Variants in GABRB1 observed in about 807,000 individuals in gnomAD.
GABRB1 encodes the protein gamma-aminobutyric acid receptor subunit beta-1.
GABRB1 carries 17 observed loss-of-function variants against 51.6 expected under a neutral mutation model. The observed-to-expected ratio is 0.33, with a 90% CI of 0.23 to 0.49. GABRB1 has a LOEUF of 0.49. Among genes scored for constraint, GABRB1 ranks in the 20% least tolerant of loss-of-function variants. The pLI, the probability that GABRB1 is intolerant of heterozygous loss-of-function variation, is 0.99. For synonymous variants in GABRB1, 247 were observed against 218.9 expected, an observed-to-expected ratio of 1.13 and a Z score of -1.14; for missense variants, 410 against 600.6, an observed-to-expected ratio of 0.68 and a Z score of 3.32.
chr4:47,251,631 G>A (rs763764583), intron 4 of GABRB1, among the ~76,000 whole-genome samples: 7 of 152,244 alleles, frequency 4.6e-5, no homozygotes, highest in South Asian at 4.1e-4. Context: ...TGGCTGCTGC[G>A]GAGGATGTGG....
intron 8 of GABRB1, among the ~76,000 whole-genome samples, chr4:47,418,680 A>AG (rs575067732): frequency 1.1e-3 from 165 of 152,332 alleles, no homozygotes; most frequent in African/African-American, 3.6e-3. Flanking sequence ...CTATATGCCA[A>AG]GTACTTTTCT....
upstream of GABRB1, among the ~76,000 whole-genome samples, chr4:47,028,154 A>C (rs1021631572): frequency 1.4e-4 from 21 of 151,826 alleles, no homozygotes; most frequent in East Asian, 5.8e-4. Context: ...TTGGTCACTT[A>C]ATTATTTTTT....
chr4:47,315,313 T>A (rs763046485), intron 4 of GABRB1, among the ~76,000 whole-genome samples: 3 of 151,758 alleles, frequency 2.0e-5, no homozygotes, highest in Non-Finnish European at 4.4e-5. Flanking sequence ...TAAAAATGCA[T>A]ATAAAACCAC....
chr4:47,057,410 T>G (rs1003736610), intron 3 of GABRB1, among the ~76,000 whole-genome samples: 2 of 152,172 alleles, frequency 1.3e-5, no homozygotes, highest in Admixed American at 1.3e-4. Context: ...TGAAGTTAGA[T>G]GCAAAACAAA....
chr4:47,073,870 G>A (rs892010507), intron 3 of GABRB1, among the ~76,000 whole-genome samples: 14 of 152,050 alleles, frequency 9.2e-5, no homozygotes, highest in Non-Finnish European at 1.3e-4. Context: ...GATATGAGGT[G>A]AGCAAGCAGC....
Position 47,031,897 on chromosome 4 carries a change from C to G in GABRB1, c.81-17C>G, listed in dbSNP as rs1423442845. The stretch of plus-strand genomic sequence containing the variant: ...TTTGTGCTCATTTTGAATACGGTCC[C>G]TACTTCTTCCCCTTAGCACCAATGA... On this transcript the variant is annotated splice_polypyrimidine_tract_variant and intron_variant, in intron 1 of 8. Transcript: ENST00000295454. The G allele has an allele frequency of 7.5e-6, 12 of 1,609,524 alleles. No homozygotes were observed. The highest frequency in any genetic ancestry group is 2.7e-5 in the African/African-American group (2 of 74,742).
intron 5 of GABRB1, among the ~76,000 whole-genome samples, chr4:47,392,523 A>C (rs1214598685): frequency 6.6e-6 from 1 of 152,006 alleles, no homozygotes; most frequent in Non-Finnish European, 1.5e-5. Flanking sequence ...TTGTATTTTT[A>C]GTAGAGACAG....
At chr4:47,144,482 G>T (rs1717067912) in intron 3 of GABRB1, among the ~76,000 whole-genome samples, 3 of 151,908 alleles carry the variant, frequency 2.0e-5, no homozygotes, top group Non-Finnish European at 2.9e-5. Flanking sequence ...TTGAGAAAAA[G>T]CAACATCTTT....
rs1319609506 is a variant in GABRB1 at position 47,397,644 on chromosome 4, G to A, written c.545-5674G>A. ...TGCAGTGGTGAAATCTCGACTCACT[G>A]CAACCTCCACCTCCCAGGTTCAAGC... On this transcript the variant is annotated intron_variant, in intron 5 of 8. Transcript: ENST00000295454. Among the ~76,000 whole-genome samples the A allele has an allele frequency of 3.9e-5, 6 of 151,990 alleles. No homozygotes were observed. In the East Asian group the frequency reaches 7.7e-4, roughly 20 times the overall value.
chr4:47,389,438 C>T (rs1727910736), intron 5 of GABRB1, among the ~76,000 whole-genome samples: 1 of 152,168 alleles, frequency 6.6e-6, no homozygotes, highest in African/African-American at 2.4e-5. Context: ...TGAAAATGTT[C>T]TCTCACAATT....
At chr4:47,065,856 T>TA (rs778477561) in intron 3 of GABRB1, among the ~76,000 whole-genome samples, 151 of 152,250 alleles carry the variant, frequency 9.9e-4, no homozygotes, top group Non-Finnish European at 1.7e-3. Context: ...TTAACTTTAA[T>TA]AAAAATTGAT....
At chr4:47,137,204 G>C (rs1424008595) in intron 3 of GABRB1, among the ~76,000 whole-genome samples, 1 of 152,096 alleles carries the variant, frequency 6.6e-6, no homozygotes, top group Non-Finnish European at 1.5e-5. Flanking sequence ...AAATGCAGTT[G>C]AAAGTGTGGG....
intron 1 of GABRB1, among the ~76,000 whole-genome samples, chr4:46,995,185 C>G (rs1263947651): frequency 1.3e-5 from 2 of 151,970 alleles, no homozygotes; most frequent in Non-Finnish European, 2.9e-5. Context: ...ATTGAATGAA[C>G]AATTAAACAA....
chr4:47,070,642 C>T (rs1466526222), intron 3 of GABRB1, among the ~76,000 whole-genome samples: 1 of 152,140 alleles, frequency 6.6e-6, no homozygotes, highest in East Asian at 1.9e-4. Flanking sequence ...TGCACTTGCC[C>T]TTCTTGAAAC....
intron 5 of GABRB1, among the ~76,000 whole-genome samples, chr4:47,327,808 G>C (rs543422212): frequency 6.6e-6 from 1 of 152,076 alleles, no homozygotes; most frequent in Non-Finnish European, 1.5e-5. Context: ...TTATTTTCTT[G>C]TCTACAAAAA....
chr4:47,056,493 G>T (rs761961746), intron 3 of GABRB1, among the ~76,000 whole-genome samples: 2 of 152,092 alleles, frequency 1.3e-5, no homozygotes, highest in African/African-American at 2.4e-5. Context: ...ACATATAAAG[G>T]TAGCATGCTA....
intron 4 of GABRB1, among the ~76,000 whole-genome samples, chr4:47,216,105 A>G (rs1410669082): frequency 1.3e-5 from 2 of 152,026 alleles, no homozygotes; most frequent in African/African-American, 2.4e-5. Context: ...GATTATAAAT[A>G]GATATTAAGT....
intron 3 of GABRB1, among the ~76,000 whole-genome samples, chr4:47,078,915 T>C (rs964751500): frequency 3.9e-5 from 6 of 152,242 alleles, no homozygotes; most frequent in African/African-American, 1.2e-4. Context: ...GAAAGAGGCT[T>C]GGCCATTCAA....
intron 3 of GABRB1, among the ~76,000 whole-genome samples, chr4:47,110,808 A>G (rs1348963564): frequency 6.6e-6 from 1 of 152,206 alleles, no homozygotes; most frequent in Non-Finnish European, 1.5e-5. Flanking sequence ...TTCCTTATTT[A>G]GAGAAGTGAT....
Sources: gnomAD v4.1 joint callset for allele counts (sites outside exome capture counted in the v4.1 genomes callset) on GRCh38, gnomAD v4.1.1 for gene constraint, MANE v1.5 for transcripts, NCBI Gene and HGNC (gene_info 2026-07-23, HGNC 2026-07-21) for gene names.